The following ECHDC2 variants were observed in gnomAD, a reference collection of about 807,000 sequenced individuals.
ECHDC2 encodes enoyl-CoA hydratase domain containing 2, also known as enoyl-CoA hydratase domain-containing protein 2, mitochondrial.
In ECHDC2, 34 loss-of-function variants were observed where a neutral mutation model predicts 40.6. The observed-to-expected ratio is 0.84, with a 90% CI of 0.64 to 1.11. The LOEUF is 1.11. ECHDC2 is among the 50% of genes most tolerant of loss of function. The probability of loss-of-function intolerance (pLI) is 0.00; values close to 1 mark genes in which losing one functional copy is unlikely to be tolerated. For synonymous variants in ECHDC2, 162 were observed against 166.6 expected, an observed-to-expected ratio of 0.97 and a Z score of 0.21; for missense variants, 392 against 400.7, an observed-to-expected ratio of 0.98 and a Z score of 0.19.
chr1:52,896,658 G>C (rs920502393), intron 9 of ECHDC2, 61 bp from the exon 10 acceptor site: 2 of 1,390,704 alleles, frequency 1.4e-6, no homozygotes, highest in African/African-American at 1.4e-5. Context: ...AAAAAGAGTT[G>C]CTTAAGCTTG....
rs1347663983 is a variant in ECHDC2 at position 52,906,487 on chromosome 1, C to T, written c.457+32G>A. 5 of 1,560,402 alleles carry T rather than the reference C, an allele frequency of 3.2e-6. No homozygotes were observed. The South Asian group carries it at 5.8e-5, about 18-fold the overall frequency. On this transcript the variant is annotated intron_variant, in intron 5 of 9. Coordinates refer to ENST00000371522, the MANE Select transcript of ECHDC2 (RefSeq NM_001198961.2). ...TTTCACTCACCCCTGACTCCCTAGCCCCACCCCCTGCCCCCAGTCCTGGCC... is the reference window on the plus strand; with the variant it reads ...TTTCACTCACCCCTGACTCCCTAGCTCCACCCCCTGCCCCCAGTCCTGGCC...
At chr1:52,897,591 G>C in intron 8 of ECHDC2, 107 bp from the exon 9 acceptor site, 1 of 1,060,666 alleles carries the variant, frequency 9.4e-7, no homozygotes, top group Admixed American at 1.7e-5. Flanking sequence ...AGCAGAGATA[G>C]CTATGAGAAG....
intron 1 of ECHDC2, among the ~76,000 whole-genome samples, chr1:52,917,354 C>T (rs113377297): frequency 1.3e-5 from 2 of 152,286 alleles, no homozygotes; most frequent in Admixed American, 6.5e-5. Context: ...CTGGACCCAG[C>T]TGGCAATCCT....
chr1:52,904,675 G>C lies in ECHDC2; in HGVS notation c.673C>G (p.Arg225Gly). 1 of 1,608,366 alleles carries C rather than the reference G, an allele frequency of 6.2e-7. No homozygotes were observed. The highest frequency in any genetic ancestry group is 8.5e-7 in the Non-Finnish European group (1 of 1,177,884). The change falls in exon 7 of 10, where the codon CGA (arginine) becomes GGA (glycine). Residue 225 changes from arginine to glycine, a missense_variant. Coordinates refer to ENST00000371522, the MANE Select transcript of ECHDC2 (RefSeq NM_001198961.2). ...GGCAGGATCTCCTGGGCCAGTGCTC[G>C]TGCCCGCTGGTAGGCGGCGTCCCCC... The part of the protein sequence containing the change: ...EEGDAAYQRA[R>G]ALAQEILPQA...
At chr1:52,904,174 A>G (rs1345801351) in intron 7 of ECHDC2, among the ~76,000 whole-genome samples, 1 of 152,152 alleles carries the variant, frequency 6.6e-6, no homozygotes, top group African/African-American at 2.4e-5. Context: ...ATGGGTTGGA[A>G]GTTCTGTATC....
chr1:52,915,955 C>G (rs1650580321), intron 1 of ECHDC2, among the ~76,000 whole-genome samples: 1 of 152,056 alleles, frequency 6.6e-6, no homozygotes, highest in African/African-American at 2.4e-5. Flanking sequence ...GAGAGTGACC[C>G]CCGGCCAACA....
chr1:52,902,523 C>CA (rs1303655665), intron 7 of ECHDC2, among the ~76,000 whole-genome samples: 1 of 152,148 alleles, frequency 6.6e-6, no homozygotes, highest in Non-Finnish European at 1.5e-5. Context: ...CCCCTGGTCT[C>CA]AAGCAGTCTT....
intron 7 of ECHDC2, among the ~76,000 whole-genome samples, chr1:52,903,287 G>A (rs1647105814): frequency 6.6e-6 from 1 of 152,076 alleles, no homozygotes; most frequent in Admixed American, 6.5e-5. Flanking sequence ...AGATTTTAGG[G>A]AACAGGTGGC....
At chr1:52,898,619 GTGTC>G (rs1646789714) in intron 8 of ECHDC2, 1 of 163,450 alleles carries the variant, frequency 6.1e-6, no homozygotes, top group African/African-American at 2.4e-5. Context: ...TCCTTGATTT[GTGTC>G]TGTATCTGCC....
rs781602712 is a variant in ECHDC2 at position 52,911,611 on chromosome 1, G to A, written c.232C>T (p.Arg78Cys). The A allele has an allele frequency of 1.1e-5, 17 of 1,614,144 alleles. No homozygotes were observed. The highest frequency in any genetic ancestry group is 3.3e-5 in the Admixed American group (2 of 60,016). ...LAQLREDRQV[R>C]VLLFRSGVKG... Reference sequence around the variant, plus strand: ...ACTCCACTTCTGAAGAGCAGGACACGCACTTGCCGGTCCTCCCGCAGCTGG... The same window carrying A: ...ACTCCACTTCTGAAGAGCAGGACACACACTTGCCGGTCCTCCCGCAGCTGG... The change falls in exon 3 of 10, where the codon CGT becomes TGT. Residue 78 changes from arginine to cysteine, a missense_variant. Physicochemically the swap from Arg to Cys is radical, Grantham distance 180 (BLOSUM62 -3). Transcript: ENST00000371522.
At chr1:52,897,725 C>T (rs1436643338) in intron 8 of ECHDC2, 20 of 586,134 alleles carry the variant, frequency 3.4e-5, no homozygotes, top group East Asian at 1.7e-4. Flanking sequence ...TGCCTCACCA[C>T]GCTTCCTGTC....
intron 5 of ECHDC2, chr1:52,905,998 A>C: frequency 3.6e-6 from 1 of 274,732 alleles, no homozygotes; most frequent in Non-Finnish European, 7.0e-6. Context: ...GGCTGCTCCT[A>C]ATCACCAGGT....
intron 3 of ECHDC2, among the ~76,000 whole-genome samples, chr1:52,909,539 A>C (rs995631785): frequency 7.5e-4 from 114 of 151,586 alleles, no homozygotes; most frequent in African/African-American, 2.7e-3. Context: ...AAAAAAAAAA[A>C]ACACCACACA....
intron 3 of ECHDC2, among the ~76,000 whole-genome samples, chr1:52,909,523 T>TAA (rs35263010): frequency 0.059 from 8,037 of 135,218 alleles, 288 homozygotes; most frequent in African/African-American, 0.097. Flanking sequence ...CTGATGAGCT[T>TAA]AAAAAAAAAA....
chr1:52,921,491 C>T, intron 1 of ECHDC2, 62 bp downstream of exon 1: 1 of 1,543,544 alleles, frequency 6.5e-7, no homozygotes, highest in East Asian at 2.4e-5. Context: ...ACCTGCCGGT[C>T]CCCCGCTGCC....
At position 52,896,531 on chromosome 1, in the gene ECHDC2, C is replaced by T. The variant is rs189036942; in HGVS notation, c.868G>A (p.Val290Ile). The change falls in exon 10 of 10, where the codon GTT (valine) becomes ATT (isoleucine). Residue 290 changes from valine (V) to isoleucine (I), a missense_variant. Physicochemically the swap from Val to Ile is conservative, Grantham distance 29 (BLOSUM62 3). Transcript: ENST00000371522. ...GGTTAAAATGGGGGTCATTTGCCAA[C>T]AAATTTGGGAGTCCGCTTCTCCCTG... is the stretch of plus-strand genomic sequence containing the variant. Reference protein sequence around the residue: ...AFREKRTPKFVGK With the variant: ...AFREKRTPKFIGK The T allele has an allele frequency of 4.3e-6, 7 of 1,614,076 alleles. No homozygotes were observed. In the African/African-American group the frequency reaches 8.0e-5, roughly 18 times the overall value.
chr1:52,897,683 C>G, intron 8 of ECHDC2, 199 bp from the exon 9 acceptor site: 2 of 632,218 alleles, frequency 3.2e-6, no homozygotes, highest in Non-Finnish European at 2.9e-6. Context: ...AGACATTTTG[C>G]CAGAGAAGAG....
chr1:52,919,908 A>G (rs1026272180), intron 1 of ECHDC2, among the ~76,000 whole-genome samples: 1 of 152,214 alleles, frequency 6.6e-6, no homozygotes, highest in Admixed American at 6.5e-5. Context: ...TTTGGATAAA[A>G]TGATTCCCGA....
At chr1:52,904,869 TG>T (rs1647346566) in intron 6 of ECHDC2, 36 bp from the exon 7 acceptor site, 1 of 1,600,096 alleles carries the variant, frequency 6.2e-7, no homozygotes, top group South Asian at 1.1e-5. Flanking sequence ...GGAATCAGCA[TG>T]GGAAGTGGGA....
Sources: allele counts gnomAD v4.1 joint callset (sites outside exome capture counted in the v4.1 genomes callset), GRCh38; gene constraint gnomAD v4.1.1; transcripts MANE v1.5; gene names NCBI Gene and HGNC (gene_info 2026-07-23, HGNC 2026-07-21).